Variants in PTGFR observed in about 807,000 individuals in gnomAD.
PTGFR encodes prostaglandin F receptor, also known as prostaglandin F2-alpha receptor.
A neutral mutation model predicts 26.2 loss-of-function variants in PTGFR; 15 were observed. The ratio of observed to expected loss-of-function variants is 0.57; its 90% CI spans 0.38 to 0.88. PTGFR has a LOEUF of 0.88. Among genes scored for constraint, PTGFR ranks in the 40% least tolerant of loss-of-function variants. The pLI is 0.00. For missense variants in PTGFR, 369 were observed against 427.2 expected, an observed-to-expected ratio of 0.86 and a Z score of 1.20; for synonymous variants, 165 against 151.1, an observed-to-expected ratio of 1.09 and a Z score of -0.68.
chr1:78,514,416 T>A (rs1052380131), intron 2 of PTGFR, among the ~76,000 whole-genome samples: 1 of 152,220 alleles, frequency 6.6e-6, no homozygotes, highest in Non-Finnish European at 1.5e-5. Context: ...GTGGGGCCTG[T>A]TGCCTCTTTA....
intron 2 of PTGFR, among the ~76,000 whole-genome samples, chr1:78,500,918 A>C (rs1649688651): frequency 6.6e-6 from 1 of 152,212 alleles, no homozygotes; most frequent in South Asian, 2.1e-4. Context: ...ATGAGAATTT[A>C]CTCAAGAATT....
At chr1:78,532,641 C>G (rs552889402) in intron 2 of PTGFR, among the ~76,000 whole-genome samples, 1 of 151,122 alleles carries the variant, frequency 6.6e-6, no homozygotes, top group South Asian at 2.1e-4. Flanking sequence ...GATCTCTGCT[C>G]ACTGCAACCT....
In PTGFR at chr1:78,539,065, GAT is replaced by G. The variant is rs1288034354; in HGVS notation, c.*2380_*2381del. 1.3e-5 allele frequency: 2 copies of G among 151,512 alleles called. No homozygotes were observed. Among genetic ancestry groups the G allele is most frequent in the Non-Finnish European group, 2.9e-5 (2 of 67,874 alleles). 9.4% of individuals were successfully genotyped at this position (151,512 alleles called of 1,614,324 possible). The stretch of plus-strand genomic sequence containing the variant: ...AGGTTTTTATGACTATGAATACAAA[GAT>G]AATGCTGATTCACAATTAGCTATGG... On this transcript the variant is annotated 3_prime_UTR_variant, in exon 3 of 3. Coordinates refer to ENST00000370757, the MANE Select transcript of PTGFR (RefSeq NM_000959.4).
chr1:78,535,969 C>G (rs371305891), intron 2 of PTGFR, among the ~76,000 whole-genome samples: 44 of 152,158 alleles, frequency 2.9e-4, no homozygotes, highest in African/African-American at 1.0e-3. Context: ...TTGTCATATA[C>G]CATTTGCAAA....
intron 2 of PTGFR, among the ~76,000 whole-genome samples, chr1:78,508,895 T>C (rs983851915): frequency 1.3e-5 from 2 of 152,196 alleles, no homozygotes; most frequent in Non-Finnish European, 2.9e-5. Context: ...AATGTTACAG[T>C]CAATTCTTTT....
intron 2 of PTGFR, among the ~76,000 whole-genome samples, chr1:78,516,990 C>A (rs1033383026): frequency 6.6e-6 from 1 of 152,106 alleles, no homozygotes; most frequent in African/African-American, 2.4e-5. Context: ...AAGTGTCTTG[C>A]AAAATCTGAT....
intron 2 of PTGFR, among the ~76,000 whole-genome samples, chr1:78,522,475 C>A (rs966501378): frequency 1.1e-4 from 17 of 152,048 alleles, no homozygotes; most frequent in African/African-American, 4.1e-4. Flanking sequence ...CAAGTACATA[C>A]CCAGCTTTTG....
chr1:78,521,512 T>C (rs1161107953), intron 2 of PTGFR, among the ~76,000 whole-genome samples: 1 of 152,076 alleles, frequency 6.6e-6, no homozygotes, highest in Non-Finnish European at 1.5e-5. Flanking sequence ...CAGAAATAAT[T>C]GTTTTATTTT....
intron 2 of PTGFR, among the ~76,000 whole-genome samples, chr1:78,499,354 G>A (rs905034815): frequency 3.0e-4 from 46 of 152,116 alleles, no homozygotes; most frequent in African/African-American, 1.1e-3. Flanking sequence ...ATATTTCTCT[G>A]TCTATCTGGT....
rs1043018545 is a variant in PTGFR, at chr1:78,537,601, C to A, written c.*914C>A. 2 of 152,050 alleles carry A rather than the reference C, an allele frequency of 1.3e-5. No individual in the cohort carries two copies. Among genetic ancestry groups the A allele is most frequent in the Non-Finnish European group, 2.9e-5 (2 of 67,998 alleles). The allele number at this position is 152,050 out of a possible 1,614,324, so 9.4% of individuals were successfully genotyped here. On this transcript the variant is annotated 3_prime_UTR_variant, in exon 3 of 3. Coordinates refer to ENST00000370757, the MANE Select transcript of PTGFR (RefSeq NM_000959.4). ...TTGAGCCATTATTTGTGTCAGAGAA[C>A]AAAAGAAACAGAATCAATATATAAA...
intron 1 of PTGFR, among the ~76,000 whole-genome samples, chr1:78,492,295 C>A (rs1050183584): frequency 2.0e-5 from 3 of 152,172 alleles, no homozygotes; most frequent in South Asian, 2.1e-4. Context: ...TTTAAAAGGT[C>A]TCTCTCTCTT....
intron 2 of PTGFR, among the ~76,000 whole-genome samples, chr1:78,502,800 CA>C (rs1649741156): frequency 6.6e-6 from 1 of 152,052 alleles, no homozygotes; most frequent in South Asian, 2.1e-4. Context: ...GAATAATAAT[CA>C]CTGTAATTTA....
chr1:78,516,493 T>C (rs1570285384), intron 2 of PTGFR, among the ~76,000 whole-genome samples: 1 of 152,198 alleles, frequency 6.6e-6, no homozygotes, highest in East Asian at 1.9e-4. Context: ...GTTGTTATGC[T>C]GACAGAGGAC....
At chr1:78,514,004 C>T (rs186591747) in intron 2 of PTGFR, among the ~76,000 whole-genome samples, 35 of 152,304 alleles carry the variant, frequency 2.3e-4, no homozygotes, top group Admixed American at 3.3e-4. Flanking sequence ...TGTAAGGGGA[C>T]GGCTGGATCC....
At chr1:78,494,412 T>G (rs950785472) in intron 2 of PTGFR, among the ~76,000 whole-genome samples, 2 of 152,196 alleles carry the variant, frequency 1.3e-5, no homozygotes, top group Non-Finnish European at 1.5e-5. Flanking sequence ...GCAAAGATTT[T>G]CTTTTTTCCC....
At chr1:78,507,688 C>A (rs1440073831) in intron 2 of PTGFR, among the ~76,000 whole-genome samples, 1 of 152,116 alleles carries the variant, frequency 6.6e-6, no homozygotes, top group Non-Finnish European at 1.5e-5. Flanking sequence ...ATTTGATTGA[C>A]ATTTTGTTTT....
At chr1:78,505,612 A>G (rs960249836) in intron 2 of PTGFR, among the ~76,000 whole-genome samples, 3 of 152,114 alleles carry the variant, frequency 2.0e-5, no homozygotes, top group Non-Finnish European at 4.4e-5. Context: ...TACATTCACA[A>G]TGTTGTGCAG....
intron 2 of PTGFR, among the ~76,000 whole-genome samples, chr1:78,505,166 A>G (rs1420429504): frequency 2.9e-5 from 4 of 136,006 alleles, no homozygotes; most frequent in African/African-American, 1.1e-4. Flanking sequence ...CTTGTTGTCC[A>G]GGCTGGAGTG....
At chr1:78,510,933 A>G (rs958545324) in intron 2 of PTGFR, among the ~76,000 whole-genome samples, 3 of 152,216 alleles carry the variant, frequency 2.0e-5, no homozygotes, top group African/African-American at 7.2e-5. Flanking sequence ...GATGCCAGTC[A>G]TTGAATTTTA....
Sources: gnomAD v4.1 joint callset for allele counts (sites outside exome capture counted in the v4.1 genomes callset) on GRCh38, gnomAD v4.1.1 for gene constraint, MANE v1.5 for transcripts, NCBI Gene and HGNC (gene_info 2026-07-23, HGNC 2026-07-21) for gene names.